The following GPC5 variants were observed in gnomAD, a reference collection of about 807,000 sequenced individuals.
GPC5 encodes the protein glypican-5.
A neutral mutation model predicts 53.9 loss-of-function variants in GPC5; 47 were observed. That is an observed-to-expected ratio of 0.87 (90% CI 0.69 to 1.11). The LOEUF (loss-of-function observed/expected upper bound fraction) is 1.11. Ranked by LOEUF, GPC5 falls within the 50% of genes most tolerant of loss-of-function variation. The pLI is 0.00. For missense variants in GPC5, 748 were observed against 713.1 expected (o/e 1.05, Z -0.56); for synonymous variants, 286 against 263.3 (o/e 1.09, Z -0.84).
At chr13:91,956,228 C>A (rs1435534329) in intron 6 of GPC5, among the ~76,000 whole-genome samples, 2 of 151,918 alleles carry the variant, frequency 1.3e-5, no homozygotes, top group Admixed American at 1.3e-4. Context: ...GCCTTGTGCA[C>A]AACTATTGGC....
intron 2 of GPC5, among the ~76,000 whole-genome samples, chr13:91,513,929 C>T (rs575070163): frequency 4.6e-5 from 7 of 152,202 alleles, no homozygotes; most frequent in South Asian, 2.1e-4. Context: ...TTTAAAAATC[C>T]ACTCAGCATA....
intron 7 of GPC5, among the ~76,000 whole-genome samples, chr13:92,294,649 C>A (rs1342665027): frequency 2.0e-5 from 3 of 151,898 alleles, no homozygotes; most frequent in African/African-American, 7.3e-5. Context: ...GTTCAAAGAA[C>A]CAGCTATTTC....
chr13:92,740,960 G>GTATATATATATATATATATA (rs1555308306), intron 7 of GPC5, among the ~76,000 whole-genome samples: 7 of 117,700 alleles, frequency 5.9e-5, no homozygotes, highest in Admixed American at 8.3e-5. Flanking sequence ...ATATGTATGT[G>GTATATATATATATATATATA]TATATATATA....
chr13:92,678,754 T>A (rs1887025918), intron 7 of GPC5, among the ~76,000 whole-genome samples: 1 of 152,196 alleles, frequency 6.6e-6, no homozygotes, highest in African/African-American at 2.4e-5. Context: ...AATAGTCTGC[T>A]GTCTGCTGAG....
At chr13:92,421,403 A>G (rs769966264) in intron 7 of GPC5, among the ~76,000 whole-genome samples, 28 of 152,280 alleles carry the variant, frequency 1.8e-4, no homozygotes, top group South Asian at 4.1e-4. Flanking sequence ...GGTAATTTAT[A>G]AAGAAAAGAG....
At chr13:92,661,318 G>A (rs1197516243) in intron 7 of GPC5, among the ~76,000 whole-genome samples, 1 of 150,310 alleles carries the variant, frequency 6.7e-6, no homozygotes, top group Non-Finnish European at 1.5e-5. Context: ...AAACTGACAT[G>A]CTCAGTTGGA....
At chr13:92,487,351 C>A (rs1228627517) in intron 7 of GPC5, among the ~76,000 whole-genome samples, 1 of 152,162 alleles carries the variant, frequency 6.6e-6, no homozygotes, top group Non-Finnish European at 1.5e-5. Flanking sequence ...GAGCCCTATA[C>A]AACTGTCACT....
At chr13:92,606,297 C>G (rs187310191) in intron 7 of GPC5, among the ~76,000 whole-genome samples, 1 of 152,194 alleles carries the variant, frequency 6.6e-6, no homozygotes, top group Admixed American at 6.5e-5. Context: ...TCCAAGTGTT[C>G]TCATTGTTCA....
chr13:92,779,978 G>C (rs967812480), intron 7 of GPC5, among the ~76,000 whole-genome samples: 3 of 152,096 alleles, frequency 2.0e-5, no homozygotes, highest in African/African-American at 7.2e-5. Context: ...TCAGTTGAAA[G>C]TTAAGACTGT....
At chr13:92,438,379 AATAAATATATAT>A (rs199627431) in intron 7 of GPC5, among the ~76,000 whole-genome samples, 8 of 98,466 alleles carry the variant, frequency 8.1e-5, no homozygotes, top group East Asian at 2.2e-4. Flanking sequence ...TTTAAAGCAA[AATAAATATATAT>A]ATATATATAT....
At chr13:92,325,191 G>C (rs2043242790) in intron 7 of GPC5, among the ~76,000 whole-genome samples, 1 of 151,560 alleles carries the variant, frequency 6.6e-6, no homozygotes, top group African/African-American at 2.4e-5. Context: ...TCTCAGATTA[G>C]TAAGAGTCTC....
intron 2 of GPC5, among the ~76,000 whole-genome samples, chr13:91,558,357 C>T (rs76360396): frequency 3.9e-5 from 6 of 152,036 alleles, no homozygotes; most frequent in East Asian, 1.9e-4. Flanking sequence ...CTGTTATCAC[C>T]GGGAAAGGGA....
chr13:92,375,609 G>A (rs2043687904), intron 7 of GPC5, among the ~76,000 whole-genome samples: 1 of 152,100 alleles, frequency 6.6e-6, no homozygotes, highest in Non-Finnish European at 1.5e-5. Flanking sequence ...TATATATTAA[G>A]AGATTTGCTG....
At chr13:91,810,566 C>T (rs548076979) in intron 5 of GPC5, among the ~76,000 whole-genome samples, 1 of 151,892 alleles carries the variant, frequency 6.6e-6, no homozygotes, top group African/African-American at 2.4e-5. Context: ...TTCTCAAAGA[C>T]CTTGGCTTAA....
chr13:92,010,953 C>T (rs1225134976), intron 6 of GPC5, among the ~76,000 whole-genome samples: 1 of 152,058 alleles, frequency 6.6e-6, no homozygotes, highest in East Asian at 1.9e-4. Flanking sequence ...ATATTAGGAG[C>T]AAATATGCCA....
At chr13:92,143,919 C>T (rs1336361776) in intron 6 of GPC5, among the ~76,000 whole-genome samples, 1 of 152,100 alleles carries the variant, frequency 6.6e-6, no homozygotes, top group South Asian at 2.1e-4. Context: ...TAAATGACCA[C>T]TAAGTGGTCA....
rs940308926 is a variant in GPC5, at chr13:92,208,041, A to T, written c.1561+63052A>T. Among the ~76,000 whole-genome samples, 16 of 152,248 alleles carry T rather than the reference A, an allele frequency of 1.1e-4. No individual in the cohort carries two copies. The South Asian group carries it at 1.2e-3, about 12-fold the overall frequency. On this transcript the variant is annotated intron_variant, in intron 7 of 7. Coordinates refer to ENST00000377067, the MANE Select transcript of GPC5 (RefSeq NM_004466.6). ...TGTTAGCAGACAGCAGTTTGTATTGACATTTGTGTGCCCTAGAAGGTGCAG... is the reference window on the plus strand; with the variant it reads ...TGTTAGCAGACAGCAGTTTGTATTGTCATTTGTGTGCCCTAGAAGGTGCAG...
At chr13:92,579,298 TCTCCCTCCCTCC>T (rs869169116) in intron 7 of GPC5, among the ~76,000 whole-genome samples, 6 of 61,626 alleles carry the variant, frequency 9.7e-5, no homozygotes, top group Admixed American at 2.3e-4. Context: ...TCTCTCTCTC[TCTCCCTCCCTCC>T]CTCCCTCCCT....
chr13:92,522,577 T>C (rs909616001), intron 7 of GPC5, among the ~76,000 whole-genome samples: 2 of 151,834 alleles, frequency 1.3e-5, no homozygotes, highest in Non-Finnish European at 2.9e-5. Flanking sequence ...ATGAGAACAC[T>C]TGGACACAGG....
Sources: allele counts gnomAD v4.1 joint callset (sites outside exome capture counted in the v4.1 genomes callset), GRCh38; gene constraint gnomAD v4.1.1; transcripts MANE v1.5; gene names NCBI Gene and HGNC (gene_info 2026-07-23, HGNC 2026-07-21).